The following DOP1A variants were observed in gnomAD, a reference collection of about 807,000 sequenced individuals.
DOP1A encodes DOP1 leucine zipper like protein A.
DOP1A carries 90 observed loss-of-function variants against 267.6 expected under a neutral mutation model. The ratio of observed to expected loss-of-function variants is 0.34; its 90% confidence interval spans 0.28 to 0.40. The LOEUF is 0.40. DOP1A is among the 10% of genes least tolerant of loss of function. DOP1A has a pLI of 1.00. For synonymous variants in DOP1A, 932 were observed against 999.1 expected (o/e 0.93, Z 1.27); for missense variants, 2,437 against 2,900.4 (o/e 0.84, Z 3.67).
At chr6:83,101,014 A>G (rs1260017628) in intron 4 of DOP1A, 128 bp downstream of exon 4, 10 of 555,796 alleles carry the variant, frequency 1.8e-5, no homozygotes, top group South Asian at 8.1e-5. Context: ...TCAGATATCA[A>G]TCTTTGTTTT....
intron 4 of DOP1A, among the ~76,000 whole-genome samples, chr6:83,106,333 A>G (rs565006374): frequency 2.6e-5 from 4 of 152,204 alleles, no homozygotes; most frequent in Non-Finnish European, 4.4e-5. Context: ...GACTAGACAG[A>G]TACTATAGAG....
intron 21 of DOP1A, among the ~76,000 whole-genome samples, chr6:83,139,666 C>T (rs1392320903): frequency 6.6e-6 from 1 of 152,040 alleles, no homozygotes; most frequent in Non-Finnish European, 1.5e-5. Flanking sequence ...TTCAGAATAA[C>T]CTTAGTTTCT....
chr6:83,154,733 C>T (rs1214061567), intron 33 of DOP1A, among the ~76,000 whole-genome samples: 3 of 151,954 alleles, frequency 2.0e-5, no homozygotes, highest in Non-Finnish European at 2.9e-5. Context: ...GAATCACCCC[C>T]CACCCCCTCT....
intron 6 of DOP1A, among the ~76,000 whole-genome samples, chr6:83,111,239 T>C (rs1774506216): frequency 6.6e-6 from 1 of 152,116 alleles, no homozygotes; most frequent in Admixed American, 6.6e-5. Flanking sequence ...CATGAGCCAC[T>C]GCGCCTGGCT....
chr6:83,163,426 A>G (rs1211150370), intron 38 of DOP1A, among the ~76,000 whole-genome samples: 1 of 152,352 alleles, frequency 6.6e-6, no homozygotes, highest in African/African-American at 2.4e-5. Context: ...AAGATTATAC[A>G]TTTTAAATTT....
In DOP1A at chr6:83,157,142, A is replaced by C. The variant is rs774836557; in HGVS notation, c.6605-40A>C. The C allele has an allele frequency of 9.4e-6, 15 of 1,596,494 alleles. No individual in the cohort carries two copies. In the South Asian group the frequency reaches 1.7e-4, roughly 18 times the overall value. On this transcript the variant is annotated intron_variant, in intron 34 of 38. Coordinates refer to ENST00000349129, the MANE Select transcript of DOP1A (RefSeq NM_015018.4). ...CAATATAGAAAGTTTTATGTGATAA[A>C]GATTATTTAGTTATTGAAAATGCTC...
chr6:83,140,082 T>G lies in DOP1A; in HGVS notation c.5203T>G (p.Leu1735Val). The G allele has an allele frequency of 6.2e-7, 1 of 1,613,514 alleles. No individual in the cohort carries two copies. Among genetic ancestry groups the G allele is most frequent in the South Asian group, 1.1e-5 (1 of 91,056 alleles). The change falls in exon 22 of 39, where the codon TTG becomes GTG. Residue 1735 changes from leucine (L) to valine (V), a missense_variant. By Grantham distance (32) the Leu-to-Val change is conservative. Coordinates refer to ENST00000349129, the MANE Select transcript of DOP1A (RefSeq NM_015018.4). ...EGITAIIHYC[L>V]LDPTTQYHQL... ...GATTACAGCCATTATCCATTACTGT[T>G]TGTTGGATCCAACTACACAGTATCA... is the stretch of plus-strand genomic sequence containing the variant.
At chr6:83,089,670 AT>A (rs1031404848) in intron 1 of DOP1A, among the ~76,000 whole-genome samples, 2 of 152,254 alleles carry the variant, frequency 1.3e-5, no homozygotes, top group Admixed American at 1.3e-4. Flanking sequence ...TTTTATTTTT[AT>A]TTTTTTAAGT....
At chr6:83,074,282 A>G (rs551897309) in intron 1 of DOP1A, among the ~76,000 whole-genome samples, 3 of 152,082 alleles carry the variant, frequency 2.0e-5, no homozygotes, top group African/African-American at 7.3e-5. Context: ...CACTTAAGAT[A>G]CAGATTTTAT....
At chr6:83,114,566 C>G (rs1043059119) in intron 7 of DOP1A, among the ~76,000 whole-genome samples, 7 of 152,142 alleles carry the variant, frequency 4.6e-5, no homozygotes. Flanking sequence ...TATTGACTTT[C>G]CTCTTGAACT....
Position 83,130,409 on chromosome 6 carries a change from G to T in DOP1A, c.2616+12G>T, listed in dbSNP as rs1311656967. 6.2e-7 allele frequency: 1 copy of T among 1,606,732 alleles called. No individual in the cohort carries two copies. The highest frequency in any genetic ancestry group is 1.1e-5 in the South Asian group (1 of 89,526). On this transcript the variant is annotated intron_variant, in intron 17 of 38. Transcript: ENST00000349129. The stretch of plus-strand genomic sequence containing the variant: ...CTGAATTTTTCAAGGTAAATTCTAA[G>T]AAATGCATATATGACTATGATGATT...
chr6:83,097,215 A>G, intron 3 of DOP1A, 100 bp downstream of exon 3: 1 of 1,329,116 alleles, frequency 7.5e-7, no homozygotes. Flanking sequence ...ATGCAAAAAC[A>G]TAAATGAACC....
chr6:83,087,346 G>A (rs1336639639), intron 1 of DOP1A, among the ~76,000 whole-genome samples: 3 of 152,106 alleles, frequency 2.0e-5, no homozygotes, highest in African/African-American at 7.2e-5. Context: ...TGAAGTTTGT[G>A]CTTCTCAATT....
intron 9 of DOP1A, 127 bp from the exon 10 acceptor site, chr6:83,120,556 G>T: frequency 1.6e-6 from 1 of 616,152 alleles, no homozygotes. Context: ...TGGTGAAAAG[G>T]CTTCAGAAAA....
At chr6:83,114,301 A>G (rs1775049599) in intron 7 of DOP1A, among the ~76,000 whole-genome samples, 1 of 152,134 alleles carries the variant, frequency 6.6e-6, no homozygotes, top group Non-Finnish European at 1.5e-5. Context: ...CTCTGTTTCT[A>G]TTTTGAGACT....
At chr6:83,145,968 G>A (rs1333235634) in intron 25 of DOP1A, among the ~76,000 whole-genome samples, 1 of 152,186 alleles carries the variant, frequency 6.6e-6, no homozygotes, top group Non-Finnish European at 1.5e-5. Context: ...ATAAGCCAGA[G>A]CTCAAGATTT....
chr6:83,167,745 CT>C, intron 38 of DOP1A, 116 bp from the exon 39 acceptor site: 1 of 1,448,596 alleles, frequency 6.9e-7, no homozygotes. Context: ...GAGTTAGAAA[CT>C]TAATGTCATT....
downstream of DOP1A, chr6:83,168,862 A>G (rs2128471503): frequency 9.6e-7 from 1 of 1,044,534 alleles, no homozygotes; most frequent in Admixed American, 4.8e-5. Flanking sequence ...ATGCTGCAAA[A>G]CATCATCTTG....
chr6:83,101,073 T>C (rs1450662217), intron 4 of DOP1A, among the ~76,000 whole-genome samples, 187 bp downstream of exon 4: 1 of 152,196 alleles, frequency 6.6e-6, no homozygotes, highest in Non-Finnish European at 1.5e-5. Flanking sequence ...TGGAGTGCAG[T>C]GGCCCAATCT....
Sources: gnomAD v4.1 joint callset for allele counts (sites outside exome capture counted in the v4.1 genomes callset) on GRCh38, gnomAD v4.1.1 for gene constraint, MANE v1.5 for transcripts, NCBI Gene and HGNC (gene_info 2026-07-23, HGNC 2026-07-21) for gene names.